Variants in GPC5 observed in about 807,000 individuals in gnomAD.
GPC5 encodes glypican-5.
Under a neutral mutation model 53.9 loss-of-function variants are expected in GPC5, and 47 were observed. The observed-to-expected ratio is 0.87, with a 90% CI of 0.69 to 1.11. The LOEUF (loss-of-function observed/expected upper bound fraction) is 1.11, where lower values mean the gene tolerates loss of function less well. Among genes scored for constraint, GPC5 ranks in the 50% most tolerant of loss-of-function variants. The pLI, the probability that GPC5 is intolerant of heterozygous loss-of-function variation, is 0.00. For synonymous variants in GPC5, 286 were observed against 263.3 expected (o/e 1.09, Z -0.84); for missense variants, 748 against 713.1 (o/e 1.05, Z -0.56).
intron 6 of GPC5, among the ~76,000 whole-genome samples, chr13:92,040,248 C>T (rs528960333): frequency 2.6e-5 from 4 of 152,292 alleles, no homozygotes; most frequent in Non-Finnish European, 5.9e-5. Context: ...TGTGGGTTTT[C>T]GCCAGTCTCT....
rs557620226 is a variant in GPC5 at position 92,423,565 on chromosome 13, C to G, written c.1561+278576C>G. On this transcript the variant is annotated intron_variant, in intron 7 of 7. Transcript: ENST00000377067. ...GTTTGGAGAGTGAAGATGTCTCCAC[C>G]AAAGCATAGAAAAGGATCTGTAGAT... is the stretch of plus-strand genomic sequence containing the variant. Among the ~76,000 whole-genome samples, 39 of 152,196 alleles carry G rather than the reference C, an allele frequency of 2.6e-4. 1 individual carries two copies. The South Asian group carries it at 8.1e-3, about 32-fold the overall frequency.
chr13:92,220,831 A>C (rs2042443278), intron 7 of GPC5, among the ~76,000 whole-genome samples: 1 of 152,200 alleles, frequency 6.6e-6, no homozygotes, highest in Non-Finnish European at 1.5e-5. Context: ...ATATATAAAA[A>C]TTGGACACTA....
intron 7 of GPC5, among the ~76,000 whole-genome samples, chr13:92,224,572 A>T (rs980571400): frequency 2.0e-5 from 3 of 152,204 alleles, no homozygotes; most frequent in African/African-American, 7.2e-5. Context: ...TGGCTCACTC[A>T]CCAAAACTAC....
intron 6 of GPC5, among the ~76,000 whole-genome samples, chr13:92,038,621 C>A (rs1815681087): frequency 6.6e-6 from 1 of 150,444 alleles, no homozygotes; most frequent in South Asian, 2.1e-4. Flanking sequence ...ACACCAAATG[C>A]CTGATGAATA....
chr13:92,438,427 A>G (rs1877412281), intron 7 of GPC5, among the ~76,000 whole-genome samples: 1 of 150,762 alleles, frequency 6.6e-6, no homozygotes. Flanking sequence ...CATGCCTTGA[A>G]AGATGGTCAG....
intron 2 of GPC5, among the ~76,000 whole-genome samples, chr13:91,556,722 A>G (rs905059351): frequency 2.6e-5 from 4 of 152,012 alleles, no homozygotes. Context: ...CTCAGGAGTA[A>G]AAAACCAAAC....
At chr13:92,197,736 G>C (rs145854251) in intron 7 of GPC5, among the ~76,000 whole-genome samples, 1 of 149,628 alleles carries the variant, frequency 6.7e-6, no homozygotes, top group Non-Finnish European at 1.5e-5. Context: ...GACTGGTCTC[G>C]AACTCCTGGG....
At chr13:91,482,527 A>G (rs1446572127) in intron 2 of GPC5, among the ~76,000 whole-genome samples, 1 of 152,232 alleles carries the variant, frequency 6.6e-6, no homozygotes, top group Admixed American at 6.5e-5. Flanking sequence ...ATCATTTAGG[A>G]ACATGTTAGA....
chr13:92,420,047 A>G (rs2139360835), intron 7 of GPC5, among the ~76,000 whole-genome samples: 1 of 152,284 alleles, frequency 6.6e-6, no homozygotes, highest in Non-Finnish European at 1.5e-5. Flanking sequence ...TTTGTTTCCA[A>G]GCCTCAAATC....
intron 2 of GPC5, among the ~76,000 whole-genome samples, chr13:91,521,191 G>A (rs947120263): frequency 6.6e-6 from 1 of 152,130 alleles, no homozygotes; most frequent in Admixed American, 6.6e-5. Context: ...GAAGAGGTTT[G>A]CTTTCTAAAA....
intron 7 of GPC5, among the ~76,000 whole-genome samples, chr13:92,226,933 A>G (rs898794753): frequency 1.3e-5 from 2 of 152,160 alleles, no homozygotes; most frequent in Non-Finnish European, 1.5e-5. Flanking sequence ...AGTAACCCGT[A>G]TGCTCAACTA....
At chr13:92,306,037 G>A (rs1229154628) in intron 7 of GPC5, among the ~76,000 whole-genome samples, 1 of 152,212 alleles carries the variant, frequency 6.6e-6, no homozygotes, top group Non-Finnish European at 1.5e-5. Context: ...GAGCAAACGA[G>A]CTGGACTTAT....
chr13:92,784,355 A>G (rs1189881696), intron 7 of GPC5, among the ~76,000 whole-genome samples: 1 of 152,194 alleles, frequency 6.6e-6, no homozygotes, highest in Non-Finnish European at 1.5e-5. Context: ...AATAAAGTTT[A>G]TAAAAGAGTT....
chr13:91,616,430 A>C (rs561571432), intron 2 of GPC5, among the ~76,000 whole-genome samples: 5 of 152,250 alleles, frequency 3.3e-5, no homozygotes, highest in African/African-American at 1.2e-4. Flanking sequence ...TTGATGAACT[A>C]TGGCATAACC....
intron 7 of GPC5, among the ~76,000 whole-genome samples, chr13:92,583,097 A>C (rs2139055914): frequency 6.6e-6 from 1 of 152,312 alleles, no homozygotes; most frequent in Admixed American, 6.5e-5. Context: ...TCAACTTTTC[A>C]CTGTTAAGTA....
At chr13:91,596,117 T>C (rs1242463286) in intron 2 of GPC5, among the ~76,000 whole-genome samples, 1 of 152,250 alleles carries the variant, frequency 6.6e-6, no homozygotes, top group Non-Finnish European at 1.5e-5. Flanking sequence ...TTGTAGTTGA[T>C]AATATCCTTT....
At chr13:92,410,617 A>G (rs1875999663) in intron 7 of GPC5, among the ~76,000 whole-genome samples, 1 of 152,238 alleles carries the variant, frequency 6.6e-6, no homozygotes, top group Non-Finnish European at 1.5e-5. Context: ...GATAACAGAA[A>G]CACAAAAAGA....
intron 6 of GPC5, among the ~76,000 whole-genome samples, chr13:91,973,882 C>G (rs890025945): frequency 2.6e-5 from 4 of 152,180 alleles, no homozygotes; most frequent in African/African-American, 9.7e-5. Flanking sequence ...TGTGAGGTGT[C>G]AGTCTGCCCC....
chr13:91,926,542 C>A (rs2039770240), intron 6 of GPC5, among the ~76,000 whole-genome samples: 1 of 152,034 alleles, frequency 6.6e-6, no homozygotes, highest in South Asian at 2.1e-4. Context: ...CTCCTCAGTG[C>A]CCCCAGGTAC....
Sources: gnomAD v4.1 joint callset for allele counts (sites outside exome capture counted in the v4.1 genomes callset) on GRCh38, gnomAD v4.1.1 for gene constraint, MANE v1.5 for transcripts, NCBI Gene and HGNC (gene_info 2026-07-23, HGNC 2026-07-21) for gene names.